Variants in AK2 observed in about 807,000 individuals in gnomAD.
AK2 encodes the protein adenylate kinase 2, mitochondrial.
AK2 carries 15 observed loss-of-function variants against 24.6 expected under a neutral mutation model. The ratio of observed to expected loss-of-function variants is 0.61; its 90% CI spans 0.41 to 0.94. The LOEUF (loss-of-function observed/expected upper bound fraction) is 0.94. Among genes scored for constraint, AK2 ranks in the 40% least tolerant of loss-of-function variants. AK2 has a pLI of 0.00. For synonymous variants in AK2, 102 were observed against 114.0 expected, an observed-to-expected ratio of 0.90 and a Z score of 0.67; for missense variants, 257 against 304.1, an observed-to-expected ratio of 0.85 and a Z score of 1.15.
At chr1:33,035,890 AAAC>A (rs920985430) in intron 1 of AK2, among the ~76,000 whole-genome samples, 5 of 152,178 alleles carry the variant, frequency 3.3e-5, no homozygotes, top group African/African-American at 7.2e-5. Context: ...AGTTCCCTAT[AAAC>A]AACAACAAAA....
Position 33,010,954 on chromosome 1 carries a change from C to A in AK2, c.*2227G>T, listed in dbSNP as rs972026266. The A allele has an allele frequency of 3.8e-5, 59 of 1,560,590 alleles. No homozygotes were observed. In the Admixed American group the frequency reaches 1.1e-3, roughly 30 times the overall value. On this transcript the variant is annotated 3_prime_UTR_variant, in exon 6 of 6. Transcript: ENST00000672715. ...CATTAAACACTGGACATTTCTGTGACAGGTAAAAGCAGAACCTGCTGAGGC... is the reference window on the plus strand; with the variant it reads ...CATTAAACACTGGACATTTCTGTGAAAGGTAAAAGCAGAACCTGCTGAGGC...
intron 4 of AK2, among the ~76,000 whole-genome samples, chr1:33,016,696 A>T (rs1639210629): frequency 6.6e-6 from 1 of 151,248 alleles, no homozygotes; most frequent in African/African-American, 2.4e-5. Context: ...TTATTTAATT[A>T]ATTTATTTTA....
At position 33,012,266 on chromosome 1, in the gene AK2, G is replaced by A. The variant is rs1308683400; in HGVS notation, c.*915C>T. On this transcript the variant is annotated 3_prime_UTR_variant, in exon 6 of 6. Transcript: ENST00000672715. ...CAGATCACAAAAATATTCCAATTTG[G>A]CCTGGCTCTTTTTATGACGATATCC... 6.5e-7 allele frequency: 1 copy of A among 1,534,734 alleles called. No individual in the cohort carries two copies. Among genetic ancestry groups the A allele is most frequent in the East Asian group, 2.4e-5 (1 of 40,872 alleles).
At position 33,013,053 on chromosome 1, in the gene AK2, C is replaced by G; in HGVS notation, c.*128G>C. ...GCACACACGCCAAAGATACATCAAG[C>G]AAGTGCTTTTTTAATCAATACATCA... is the stretch of plus-strand genomic sequence containing the variant. On this transcript the variant is annotated 3_prime_UTR_variant, in exon 6 of 6. Transcript: ENST00000672715. The G allele has an allele frequency of 6.2e-7, 1 of 1,602,448 alleles. No individual in the cohort carries two copies. The highest frequency in any genetic ancestry group is 8.5e-7 in the Non-Finnish European group (1 of 1,179,448).
In AK2 at chr1:33,020,228, C is replaced by CAA. The variant is rs1553151954; in HGVS notation, c.425+1137_425+1138dup. ...ACACACACACACACACACACACACA[C>CAA]AAAGTGGCTGTACTATGAGCAAATT... On this transcript the variant is annotated intron_variant, in intron 4 of 5. Coordinates refer to ENST00000672715, the MANE Select transcript of AK2 (RefSeq NM_001625.4). 8 of 1,064,270 alleles carry CAA rather than the reference C, an allele frequency of 7.5e-6. No individual in the cohort carries two copies. The African/African-American group carries it at 1.2e-4, about 15-fold the overall frequency. The allele number at this position is 1,064,270 out of a possible 1,614,324, so 65.9% of individuals were successfully genotyped here. A position where few individuals can be genotyped will look rare whatever the true frequency, so the allele number is the denominator to read the frequency against.
chr1:33,010,899 G>C lies in AK2; in HGVS notation c.*2282C>G. Reference sequence around the variant, plus strand: ...TAAAAACCAAGTACATATCAGAGGAGGCTGGCATGTAAGCCCCAGCAACCA... The same window carrying C: ...TAAAAACCAAGTACATATCAGAGGACGCTGGCATGTAAGCCCCAGCAACCA... On this transcript the variant is annotated 3_prime_UTR_variant, in exon 6 of 6. Transcript: ENST00000672715. The C allele has an allele frequency of 6.2e-7, 1 of 1,610,368 alleles. No homozygotes were observed. Among genetic ancestry groups the C allele is most frequent in the South Asian group, 1.1e-5 (1 of 90,244 alleles).
chr1:33,028,044 C>A (rs1016850400), intron 1 of AK2, among the ~76,000 whole-genome samples: 7 of 152,166 alleles, frequency 4.6e-5, no homozygotes, highest in Non-Finnish European at 1.5e-5. Context: ...AGCAGGCATT[C>A]AATAAATAAA....
rs574078573 is a variant in AK2, at chr1:33,010,703, A to C, written c.*2478T>G. The C allele has an allele frequency of 1.8e-5, 29 of 1,608,920 alleles. No individual in the cohort carries two copies. The East Asian group carries it at 5.1e-4, about 28-fold the overall frequency. Reference sequence around the variant, plus strand: ...TGCTGTTGTTCCAAGTATTCCTCTGAGCCCCTCACCAGCCCTCCCTCACCA... The same window carrying C: ...TGCTGTTGTTCCAAGTATTCCTCTGCGCCCCTCACCAGCCCTCCCTCACCA... On this transcript the variant is annotated 3_prime_UTR_variant, in exon 6 of 6. Coordinates refer to ENST00000672715, the MANE Select transcript of AK2 (RefSeq NM_001625.4).
intron 1 of AK2, among the ~76,000 whole-genome samples, chr1:33,025,853 C>T (rs1639845393): frequency 6.6e-6 from 1 of 152,212 alleles, no homozygotes; most frequent in Admixed American, 6.5e-5. Flanking sequence ...ACCATAACCC[C>T]TGTCCTAATC....
intron 1 of AK2, 125 bp from the exon 2 acceptor site, chr1:33,024,692 T>C: frequency 1.7e-6 from 2 of 1,171,788 alleles, no homozygotes. Flanking sequence ...CCTACTTCCT[T>C]ACCTGTAATG....
At position 33,010,709 on chromosome 1, in the gene AK2, T is replaced by C; in HGVS notation, c.*2472A>G. ...TGTTCCAAGTATTCCTCTGAGCCCC[T>C]CACCAGCCCTCCCTCACCATCCTCA... On this transcript the variant is annotated 3_prime_UTR_variant, in exon 6 of 6. Transcript: ENST00000672715. The C allele has an allele frequency of 1.9e-6, 3 of 1,611,364 alleles. No homozygotes were observed. The South Asian group carries it at 3.3e-5, about 18-fold the overall frequency.
At chr1:33,014,618 AG>A (rs1348784078) in intron 4 of AK2, 24 bp from the exon 5 acceptor site, 3 of 1,602,198 alleles carry the variant, frequency 1.9e-6, no homozygotes, top group Non-Finnish European at 2.6e-6. Context: ...AATGAATATG[AG>A]TTAGGTTAAC....
intron 3 of AK2, 38 bp from the exon 4 acceptor site, chr1:33,021,499 C>T (rs373566625): frequency 1.2e-6 from 2 of 1,608,152 alleles, no homozygotes; most frequent in Non-Finnish European, 1.7e-6. Flanking sequence ...GCTACCAGAG[C>T]TTGGTTAGAC....
At chr1:33,018,674 G>A (rs1208011511) in intron 4 of AK2, among the ~76,000 whole-genome samples, 3 of 152,080 alleles carry the variant, frequency 2.0e-5, no homozygotes, top group Non-Finnish European at 4.4e-5. Flanking sequence ...CCAAATGGAG[G>A]GAATGAATCT....
chr1:33,022,351 C>CTTTTTTT (rs397862465), intron 2 of AK2, among the ~76,000 whole-genome samples: 2 of 112,368 alleles, frequency 1.8e-5, no homozygotes, highest in African/African-American at 3.4e-5. Context: ...TCTTCCCTCA[C>CTTTTTTT]TTTTTTTTTT....
At chr1:33,028,496 C>T (rs552545872) in intron 1 of AK2, among the ~76,000 whole-genome samples, 15 of 147,652 alleles carry the variant, frequency 1.0e-4, no homozygotes, top group African/African-American at 3.1e-4. Context: ...AGTGAAACTC[C>T]GTCTCAAGAA....
At chr1:33,027,638 C>T (rs1043425975) in intron 1 of AK2, among the ~76,000 whole-genome samples, 1 of 151,598 alleles carries the variant, frequency 6.6e-6, no homozygotes, top group African/African-American at 2.4e-5. Flanking sequence ...ATCCCAGCTA[C>T]TCAGGAGGCT....
intron 1 of AK2, among the ~76,000 whole-genome samples, chr1:33,028,571 G>A (rs183443099): frequency 2.8e-4 from 42 of 151,968 alleles, no homozygotes; most frequent in Non-Finnish European, 4.9e-4. Context: ...TTTTAAGCAA[G>A]CTTCCCGGCC....
Position 33,008,272 on chromosome 1 carries a change from G to A in AK2, c.*4909C>T, listed in dbSNP as rs1436185205. On this transcript the variant is annotated 3_prime_UTR_variant, in exon 6 of 6. Coordinates refer to ENST00000672715, the MANE Select transcript of AK2 (RefSeq NM_001625.4). ...ATCATTCCTATTCTACTGATGAGGT[G>A]AGATAACTTGTCCAAGGTCGCATGG... 2.2e-6 allele frequency: 1 copy of A among 454,092 alleles called. No homozygotes were observed. The highest frequency in any genetic ancestry group is 4.4e-6 in the Non-Finnish European group (1 of 226,786). 28.1% of individuals were successfully genotyped at this position (454,092 alleles called of 1,614,324 possible).
Sources: gnomAD v4.1 joint callset for allele counts (sites outside exome capture counted in the v4.1 genomes callset) on GRCh38, gnomAD v4.1.1 for gene constraint, MANE v1.5 for transcripts, NCBI Gene and HGNC (gene_info 2026-07-23, HGNC 2026-07-21) for gene names.